EHBP1L1: variants seen among roughly 807,000 people sequenced by gnomAD.
EHBP1L1 encodes EH domain binding protein 1 like 1, also known as EH domain-binding protein 1-like protein 1.
Under a neutral mutation model 151.1 loss-of-function variants are expected in EHBP1L1, and 122 were observed. The ratio of observed to expected loss-of-function variants is 0.81; its 90% CI spans 0.70 to 0.94. The LOEUF (loss-of-function observed/expected upper bound fraction) is 0.94, where lower values mean the gene tolerates loss of function less well. Ranked by LOEUF, EHBP1L1 falls within the 40% of genes least tolerant of loss-of-function variation. The pLI, the probability that EHBP1L1 is intolerant of heterozygous loss-of-function variation, is 0.00. For synonymous variants in EHBP1L1, 878 were observed against 810.1 expected (o/e 1.08, Z -1.42); for missense variants, 1,941 against 1,959.8 (o/e 0.99, Z 0.18).
In EHBP1L1 at chr11:65,576,199, G is replaced by C; in HGVS notation, c.-104G>C. 9.9e-7 allele frequency: 1 copy of C among 1,006,174 alleles called. No homozygotes were observed. The highest frequency in any genetic ancestry group is 2.3e-5 in the South Asian group (1 of 43,400). 62.3% of individuals were successfully genotyped at this position (1,006,174 alleles called of 1,614,324 possible). A position where few individuals can be genotyped will look rare whatever the true frequency, so the allele number is the denominator to read the frequency against. On this transcript the variant is annotated 5_prime_UTR_variant, in exon 1 of 19. Coordinates refer to ENST00000309295, the MANE Select transcript of EHBP1L1 (RefSeq NM_001099409.3). The stretch of plus-strand genomic sequence containing the variant: ...GAGCCTGGGACACCTCCGCACGGAC[G>C]GGGCGGGCGGCGCGGACAGGCCATG...
Position 65,584,957 on chromosome 11 carries a change from A to T in EHBP1L1, c.3301-2A>T. 1 of 1,533,320 alleles carries T rather than the reference A, an allele frequency of 6.5e-7. No homozygotes were observed. The highest frequency in any genetic ancestry group is 8.7e-7 in the Non-Finnish European group (1 of 1,145,656). 95.0% of individuals were successfully genotyped at this position (1,533,320 alleles called of 1,614,324 possible). A position where few individuals can be genotyped will look rare whatever the true frequency, so the allele number is the denominator to read the frequency against. On this transcript the variant is annotated splice_acceptor_variant, in intron 11 of 18. Coordinates refer to ENST00000309295, the MANE Select transcript of EHBP1L1 (RefSeq NM_001099409.3). LOFTEE classifies it high-confidence loss of function. ...CTGACCCCGAGTGCACCCTTCCCCT[A>T]GGCCTTCGATGGCTTCGCGGCTCTG... is the stretch of plus-strand genomic sequence containing the variant.
In EHBP1L1 at chr11:65,585,274, GGGGTGGCCTCCAGGAAC is replaced by G; in HGVS notation, c.3618_3634del (p.Val1207GlyfsTer105). 1 of 1,081,112 alleles carries G rather than the reference GGGGTGGCCTCCAGGAAC, an allele frequency of 9.2e-7. No individual in the cohort carries two copies. Among genetic ancestry groups the G allele is most frequent in the Non-Finnish European group, 1.1e-6 (1 of 891,374 alleles). 67.0% of individuals were successfully genotyped at this position (1,081,112 alleles called of 1,614,324 possible). A position where few individuals can be genotyped will look rare whatever the true frequency, so the allele number is the denominator to read the frequency against. ...AGACCGCGCAGACGGGGCGGCCCCGGGGGTGGCCTCCAGGAACGCGGTCGCGGGCCGCGCCTCCAAGG... is the reference window on the plus strand; with the variant it reads ...AGACCGCGCAGACGGGGCGGCCCCGGGCGGTCGCGGGCCGCGCCTCCAAGG... On this transcript the variant is annotated frameshift_variant, in exon 12 of 19. Coordinates refer to ENST00000309295, the MANE Select transcript of EHBP1L1 (RefSeq NM_001099409.3). LOFTEE classifies it high-confidence loss of function. The surrounding 1 kb of genome is among the most constrained non-coding windows in gnomAD (Gnocchi z 4.0).
chr11:65,580,620 A>C, intron 6 of EHBP1L1, 141 bp downstream of exon 6: 4 of 1,139,422 alleles, frequency 3.5e-6, no homozygotes, highest in Non-Finnish European at 3.6e-6. Context: ...CAGCAGCCTC[A>C]ATTGTCCCAA....
At position 65,585,620 on chromosome 11, in the gene EHBP1L1, C is replaced by T. The variant is rs774515778; in HGVS notation, c.3933+29C>T. The T allele has an allele frequency of 3.9e-6, 6 of 1,547,190 alleles. No homozygotes were observed. Among genetic ancestry groups the T allele is most frequent in the Middle Eastern group, 1.7e-4 (1 of 5,982 alleles). On this transcript the variant is annotated intron_variant, in intron 12 of 18. Coordinates refer to ENST00000309295, the MANE Select transcript of EHBP1L1 (RefSeq NM_001099409.3). This position sits in a 1 kb window ranked among gnomAD's most constrained non-coding sequence, Gnocchi z 4.0. ...AGTGTCAAGGTCCTTCTTTCTTCCC[C>T]CGCCGCAGCGCGGGGTCCCGGGAAG...
rs772399414 is a variant in EHBP1L1 at position 65,581,774 on chromosome 11, G to A, written c.1102G>A (p.Gly368Arg). 2 of 1,612,316 alleles carry A rather than the reference G, an allele frequency of 1.2e-6. No individual in the cohort carries two copies. The highest frequency in any genetic ancestry group is 1.3e-5 in the African/African-American group (1 of 74,888). Residue 368 changes from glycine to arginine, a missense_variant, in exon 9 of 19, where the codon GGA becomes AGA. Physicochemically the swap from Gly to Arg is moderately radical, Grantham distance 125. Coordinates refer to ENST00000309295, the MANE Select transcript of EHBP1L1 (RefSeq NM_001099409.3). ...CCCGAGCATTGAGGATAAAGGTTCTGGAGACCCTTTTGGAAGGCAGAGACT... is the reference window on the plus strand; with the variant it reads ...CCCGAGCATTGAGGATAAAGGTTCTAGAGACCCTTTTGGAAGGCAGAGACT... The part of the protein sequence containing the change: ...LGPSIEDKGS[G>R]DPFGRQRLKA...
At position 65,580,005 on chromosome 11, in the gene EHBP1L1, G is replaced by T. The variant is rs760588309; in HGVS notation, c.312+16G>T. Reference sequence around the variant, plus strand: ...TATTGAAAATGTGAGTGTCTGGAGTGGGCTCAGGTCTGGAATCTTGGGGAC... The same window carrying T: ...TATTGAAAATGTGAGTGTCTGGAGTTGGCTCAGGTCTGGAATCTTGGGGAC... On this transcript the variant is annotated intron_variant, in intron 4 of 18. Transcript: ENST00000309295. 6.2e-7 allele frequency: 1 copy of T among 1,613,832 alleles called. No homozygotes were observed. The highest frequency in any genetic ancestry group is 8.5e-7 in the Non-Finnish European group (1 of 1,179,832).
In EHBP1L1 at chr11:65,580,459, G is replaced by A. The variant is rs200313831; in HGVS notation, c.614G>A (p.Arg205Gln). 109 of 1,612,572 alleles carry A rather than the reference G, an allele frequency of 6.8e-5. No homozygotes were observed. Among genetic ancestry groups the A allele is most frequent in the Non-Finnish European group, 4.6e-5 (54 of 1,179,806 alleles). Reference sequence around the variant, plus strand: ...CATGGCCCAGGAGCCCCGGAGGCCCGGGCTCGAGTCCCCCAGCCAGGTGGG... The same window carrying A: ...CATGGCCCAGGAGCCCCGGAGGCCCAGGCTCGAGTCCCCCAGCCAGGTGGG... ...EAHGPGAPEA[R>Q]ARVPQPDPSR... is the part of the protein sequence containing the mutation. Residue 205 changes from arginine (R) to glutamine (Q), a missense_variant, in exon 6 of 19, where the codon CGG becomes CAG. By Grantham distance (43) the Arg-to-Gln change is conservative (BLOSUM62 1). Coordinates refer to ENST00000309295, the MANE Select transcript of EHBP1L1 (RefSeq NM_001099409.3).
Position 65,582,248 on chromosome 11 carries a change from G to T in EHBP1L1, c.1576G>T (p.Gly526Cys). 1 of 1,527,212 alleles carries T rather than the reference G, an allele frequency of 6.5e-7. No homozygotes were observed. The allele number at this position is 1,527,212 out of a possible 1,614,324, so 94.6% of individuals were successfully genotyped here. Residue 526 changes from glycine (G) to cysteine (C), a missense_variant, in exon 9 of 19, where the codon GGC becomes TGC. By Grantham distance (159) the Gly-to-Cys change is radical (BLOSUM62 -3). Coordinates refer to ENST00000309295, the MANE Select transcript of EHBP1L1 (RefSeq NM_001099409.3). ...PGIEGTGLEQ[G>C]PSVGAISTRP... is the part of the protein sequence containing the mutation. Reference sequence around the variant, plus strand: ...TATTGAGGGGACAGGCCTGGAGCAGGGCCCTTCTGTTGGAGCAATAAGCAC... The same window carrying T: ...TATTGAGGGGACAGGCCTGGAGCAGTGCCCTTCTGTTGGAGCAATAAGCAC...
chr11:65,585,662 C>T lies in EHBP1L1; in HGVS notation c.3933+71C>T. 1.3e-6 allele frequency: 2 copies of T among 1,515,876 alleles called. No individual in the cohort carries two copies. Among genetic ancestry groups the T allele is most frequent in the Non-Finnish European group, 8.8e-7 (1 of 1,135,200 alleles). 93.9% of individuals were successfully genotyped at this position (1,515,876 alleles called of 1,614,324 possible). A position where few individuals can be genotyped will look rare whatever the true frequency, so the allele number is the denominator to read the frequency against. On this transcript the variant is annotated intron_variant, in intron 12 of 18. Coordinates refer to ENST00000309295, the MANE Select transcript of EHBP1L1 (RefSeq NM_001099409.3). The surrounding 1 kb of genome is among the most constrained non-coding windows in gnomAD (Gnocchi z 4.0). ...CCCGGGAAGATGGGCAGAGAACGGG[C>T]GAGCCCCCAAGGGGCCCCAAGGACA...
At position 65,585,549 on chromosome 11, in the gene EHBP1L1, G is replaced by A. The variant is rs1336780862; in HGVS notation, c.3891G>A (p.Ser1297=). 1 of 1,583,026 alleles carries A rather than the reference G, an allele frequency of 6.3e-7. No homozygotes were observed. ...RSRLRNSSSF[S]MDDPDAGAMG... is the part of the protein sequence containing the mutation. ...GGCTGCGGAACAGCAGCTCGTTCTC[G>A]ATGGACGATCCGGACGCGGGAGCCA... The change falls in exon 12 of 19, where the codon TCG becomes TCA. Residue 1297 remains serine, a synonymous_variant. Coordinates refer to ENST00000309295, the MANE Select transcript of EHBP1L1 (RefSeq NM_001099409.3). This position sits in a 1 kb window ranked among gnomAD's most constrained non-coding sequence, Gnocchi z 4.0.
Position 65,585,687 on chromosome 11 carries a change from A to G in EHBP1L1, c.3933+96A>G. The stretch of plus-strand genomic sequence containing the variant: ...CGAGCCCCCAAGGGGCCCCAAGGAC[A>G]GAGCTGGCGCGAGGGTGACGGTTTC... On this transcript the variant is annotated intron_variant, in intron 12 of 18. Transcript: ENST00000309295. The surrounding 1 kb of genome is among the most constrained non-coding windows in gnomAD (Gnocchi z 4.0). 3 of 1,494,238 alleles carry G rather than the reference A, an allele frequency of 2.0e-6. No individual in the cohort carries two copies. The South Asian group carries it at 3.7e-5, about 18-fold the overall frequency. 92.6% of individuals were successfully genotyped at this position (1,494,238 alleles called of 1,614,324 possible).
chr11:65,592,122 G>A, intron 18 of EHBP1L1, 32 bp downstream of exon 18: 2 of 1,611,126 alleles, frequency 1.2e-6, no homozygotes, highest in Non-Finnish European at 1.7e-6. Flanking sequence ...TGGGAGTTGG[G>A]AGGGTCCGGG....
At position 65,582,754 on chromosome 11, in the gene EHBP1L1, A is replaced by C; in HGVS notation, c.2082A>C (p.Ile694=). 6.2e-7 allele frequency: 1 copy of C among 1,613,620 alleles called. No homozygotes were observed. Among genetic ancestry groups the C allele is most frequent in the Non-Finnish European group, 8.5e-7 (1 of 1,179,832 alleles). Residue 694 remains isoleucine, a synonymous_variant, in exon 9 of 19, where the codon ATA becomes ATC. Coordinates refer to ENST00000309295, the MANE Select transcript of EHBP1L1 (RefSeq NM_001099409.3). ...DLGPLKIEDT[I]QSEMLGTQET... Reference sequence around the variant, plus strand: ...GGCCACTGAAGATAGAAGATACAATACAGTCTGAGATGCTGGGGACCCAGG... The same window carrying C: ...GGCCACTGAAGATAGAAGATACAATCCAGTCTGAGATGCTGGGGACCCAGG...
rs374766263 is a variant in EHBP1L1, at chr11:65,583,602, C to T, written c.2930C>T (p.Ala977Val). The change falls in exon 9 of 19, where the codon GCG becomes GTG. Residue 977 changes from alanine to valine, a missense_variant. Ala to Val is a moderately conservative substitution (Grantham distance 64). Transcript: ENST00000309295. ...NKSGTFKAQEAEAGVLGNEKG... is the reference protein window; with the variant it reads ...NKSGTFKAQEVEAGVLGNEKG... The stretch of plus-strand genomic sequence containing the variant: ...TCTGGTACTTTTAAGGCCCAGGAAG[C>T]GGAGGCTGGGGTCTTGGGAAATGAG... The T allele has an allele frequency of 2.4e-5, 38 of 1,606,640 alleles. No individual in the cohort carries two copies. Among genetic ancestry groups the T allele is most frequent in the African/African-American group, 1.9e-4 (14 of 74,782 alleles).
chr11:65,580,829 C>T, intron 6 of EHBP1L1: 1 of 1,164,188 alleles, frequency 8.6e-7, no homozygotes, highest in Non-Finnish European at 1.2e-6. Context: ...CTGGGGCTTC[C>T]TCATTCCTCC....
chr11:65,591,857 C>T lies in EHBP1L1; in HGVS notation c.4341C>T (p.Ala1447=). 1 of 1,564,072 alleles carries T rather than the reference C, an allele frequency of 6.4e-7. No individual in the cohort carries two copies. The highest frequency in any genetic ancestry group is 8.7e-7 in the Non-Finnish European group (1 of 1,153,756). Residue 1447 remains alanine (A), a synonymous_variant, in exon 17 of 19, where the codon GCC becomes GCT. Transcript: ENST00000309295. ...RFELLSRELR[A]MLAIEDWQKT... is the part of the protein sequence containing the mutation. Reference sequence around the variant, plus strand: ...AGCTGCTGAGCCGCGAGCTGCGGGCCATGCTGGCCATCGAAGGTGGGACAT... The same window carrying T: ...AGCTGCTGAGCCGCGAGCTGCGGGCTATGCTGGCCATCGAAGGTGGGACAT...
At chr11:65,577,234 C>T (rs575438128) in intron 1 of EHBP1L1, among the ~76,000 whole-genome samples, 2 of 152,026 alleles carry the variant, frequency 1.3e-5, no homozygotes, top group East Asian at 2.0e-4. Context: ...GTGGGGGCCT[C>T]ACCCGCCAGG....
chr11:65,591,648 C>A, intron 16 of EHBP1L1, 152 bp from the exon 17 acceptor site: 2 of 694,622 alleles, frequency 2.9e-6, no homozygotes, highest in Non-Finnish European at 5.3e-6. Context: ...GGTCTGGAGA[C>A]TAGAGGATAG....
In EHBP1L1 at chr11:65,582,749, A is replaced by G; in HGVS notation, c.2077A>G (p.Thr693Ala). 7 of 1,613,620 alleles carry G rather than the reference A, an allele frequency of 4.3e-6. No homozygotes were observed. Among genetic ancestry groups the G allele is most frequent in the Non-Finnish European group, 5.9e-6 (7 of 1,179,838 alleles). The change falls in exon 9 of 19, where the codon ACA becomes GCA. Residue 693 changes from threonine to alanine, a missense_variant. Thr to Ala is a moderately conservative substitution (Grantham distance 58). Transcript: ENST00000309295. ...TTTAGGGCCACTGAAGATAGAAGAT[A>G]CAATACAGTCTGAGATGCTGGGGAC... Reference protein sequence around the residue: ...GDLGPLKIEDTIQSEMLGTQE... With the variant: ...GDLGPLKIEDAIQSEMLGTQE...
Sources: gnomAD v4.1 joint callset for allele counts (sites outside exome capture counted in the v4.1 genomes callset) on GRCh38, gnomAD v4.1.1 for gene constraint, Gnocchi (gnomAD v3.1) non-coding constraint, MANE v1.5 for transcripts, NCBI Gene and HGNC (gene_info 2026-07-23, HGNC 2026-07-21) for gene names.